Variants in MCM7 observed in about 807,000 individuals in gnomAD.
The protein encoded by MCM7 is DNA replication licensing factor MCM7.
MCM7 carries 95 observed loss-of-function variants against 83.5 expected under a neutral mutation model. That is an observed-to-expected ratio of 1.14 (90% confidence interval 0.96 to 1.35). The LOEUF (loss-of-function observed/expected upper bound fraction) is 1.35. Among genes scored for constraint, MCM7 ranks in the 40% most tolerant of loss-of-function variants. The pLI is 0.00. For synonymous variants in MCM7, 461 were observed against 352.7 expected (o/e 1.31, Z -3.44); for missense variants, 1,087 against 957.4 (o/e 1.14, Z -1.79).
rs749189763 is a variant in MCM7 at position 100,099,418 on chromosome 7, C to CAAAAAA, written c.277-21_277-16dup. On this transcript the variant is annotated splice_polypyrimidine_tract_variant and intron_variant, in intron 3 of 14. Coordinates refer to ENST00000303887, the MANE Select transcript of MCM7 (RefSeq NM_005916.5). Reference sequence around the variant, plus strand: ...TTATTTACCACCTAAAGGAGAAGAACAAAAAAAAAAAAAAAAAAGAGCAAC... The same window carrying CAAAAAA: ...TTATTTACCACCTAAAGGAGAAGAACAAAAAAAAAAAAAAAAAAAAAAAAGAGCAAC... The CAAAAAA allele has an allele frequency of 1.3e-4, 175 of 1,305,280 alleles. No homozygotes were observed. In the Middle Eastern group the frequency reaches 1.4e-3, roughly 10 times the overall value. 80.9% of individuals were successfully genotyped at this position (1,305,280 alleles called of 1,614,324 possible). A position where few individuals can be genotyped will look rare whatever the true frequency, so the allele number is the denominator to read the frequency against.
Position 100,096,145 on chromosome 7 carries a change from G to A in MCM7, c.1224C>T (p.Gly408=). ...APRSQYTTGR[G]SSGVGLTAAV... is the part of the protein sequence containing the mutation. ...CTGCCGTAAGCCCCACTCCTGAGGA[G>A]CCCCGGCCTGTTGTGTACTGGCCTG... Residue 408 remains glycine (G), a synonymous_variant, in exon 11 of 15, where the codon GGC becomes GGT. Transcript: ENST00000303887. 5 of 1,608,272 alleles carry A rather than the reference G, an allele frequency of 3.1e-6. No homozygotes were observed. The highest frequency in any genetic ancestry group is 4.3e-6 in the Non-Finnish European group (5 of 1,176,464).
At chr7:100,095,365 C>T in intron 12 of MCM7, 22 bp downstream of exon 12, 2 of 1,605,060 alleles carry the variant, frequency 1.2e-6, no homozygotes, top group Non-Finnish European at 1.7e-6. Context: ...AACGTTTGCC[C>T]ACCCGCACCC....
Position 100,101,381 on chromosome 7 carries a change from G to T in MCM7, c.-87C>A. 1 of 1,576,762 alleles carries T rather than the reference G, an allele frequency of 6.3e-7. No individual in the cohort carries two copies. On this transcript the variant is annotated 5_prime_UTR_variant, in exon 1 of 15. Transcript: ENST00000303887. ...GAGAATCTCCGCGCGGTGGACTGTG[G>T]CCGGCCAACCGAAATTGGCGCGAAA...
At chr7:100,100,503 G>A (rs1291604682) in intron 1 of MCM7, 15 of 988,732 alleles carry the variant, frequency 1.5e-5, no homozygotes, top group East Asian at 2.4e-4. Flanking sequence ...CCCCACCCCC[G>A]CTCCCGCCAT....
chr7:100,098,159 C>T lies in MCM7; in HGVS notation c.852G>A (p.Gly284=). 1 of 1,614,078 alleles carries T rather than the reference C, an allele frequency of 6.2e-7. No homozygotes were observed. The highest frequency in any genetic ancestry group is 8.5e-7 in the Non-Finnish European group (1 of 1,180,000). ...TCCTTACCTGTACCACCTGTCGGAA[C>T]CCAGTGCGCAGGATTGGCAAGAAAA... is the stretch of plus-strand genomic sequence containing the variant. ...TGIFLPILRT[G]FRQVVQGLLS... The change falls in exon 7 of 15, where the codon GGG becomes GGA. Residue 284 remains glycine, a synonymous_variant. Transcript: ENST00000303887.
In MCM7 at chr7:100,097,668, G is replaced by A; in HGVS notation, c.1063C>T (p.Leu355=). ...TCCACACCCCCGACTAGCAGGAGCA[G>A]CAGTGCCTTCTTCACATCTTCATGC... ...YGHEDVKKAL[L]LLLVGGVDQS... is the part of the protein sequence containing the mutation. Residue 355 remains leucine (L), a synonymous_variant, in exon 9 of 15, where the codon CTG becomes TTG. Transcript: ENST00000303887. 2 of 1,614,160 alleles carry A rather than the reference G, an allele frequency of 1.2e-6. No individual in the cohort carries two copies. Among genetic ancestry groups the A allele is most frequent in the Non-Finnish European group, 8.5e-7 (1 of 1,180,042 alleles).
intron 1 of MCM7, chr7:100,100,598 A>T: frequency 1.0e-6 from 1 of 989,464 alleles, no homozygotes; most frequent in Non-Finnish European, 1.2e-6. Context: ...CCAGGGCGGG[A>T]GCCAGTCCAG....
chr7:100,098,083 G>T (rs1383658079), intron 7 of MCM7, 58 bp downstream of exon 7: 2 of 1,595,954 alleles, frequency 1.3e-6, no homozygotes, highest in Non-Finnish European at 8.6e-7. Context: ...TGTGTGGGTA[G>T]AATGAGTAGG....
In MCM7 at chr7:100,094,305, C is replaced by T. The variant is rs544161945; in HGVS notation, c.1716G>A (p.Met572Ile). The T allele has an allele frequency of 6.5e-5, 105 of 1,614,178 alleles. 1 individual carries two copies. In the South Asian group the frequency reaches 1.1e-3, roughly 17 times the overall value. Residue 572 changes from methionine to isoleucine, a missense_variant, in exon 13 of 15, where the codon ATG (methionine) becomes ATA (isoleucine). Physicochemically the swap from Met to Ile is conservative, Grantham distance 10. Transcript: ENST00000303887. ...YIAMCREKQP[M>I]VPESLADYIT... Reference sequence around the variant, plus strand: ...TGTAGTCAGCCAGAGACTCTGGCACCATGGGCTGCTTCTCGCGGCACATGG... The same window carrying T: ...TGTAGTCAGCCAGAGACTCTGGCACTATGGGCTGCTTCTCGCGGCACATGG...
rs1795705975 is a variant in MCM7 at position 100,097,597 on chromosome 7, C to T, written c.1117+17G>A. ...ATGACTTCATCCACCCTGAGCCTCT[C>T]CCTTGTTTCTTCTTACCCCGGATTT... On this transcript the variant is annotated intron_variant, in intron 9 of 14. Transcript: ENST00000303887. The T allele has an allele frequency of 6.2e-7, 1 of 1,613,170 alleles. No individual in the cohort carries two copies. The highest frequency in any genetic ancestry group is 1.1e-5 in the South Asian group (1 of 91,044).
rs970634441 is a variant in MCM7 at position 100,095,374 on chromosome 7, C to G, written c.1679+13G>C. 3 of 1,609,914 alleles carry G rather than the reference C, an allele frequency of 1.9e-6. No individual in the cohort carries two copies. Among genetic ancestry groups the G allele is most frequent in the African/African-American group, 2.7e-5 (2 of 74,896 alleles). On this transcript the variant is annotated intron_variant, in intron 12 of 14. Transcript: ENST00000303887. The stretch of plus-strand genomic sequence containing the variant: ...CACGCCAACGTTTGCCCACCCGCAC[C>G]CAGCTCTCCTACCTCATGAGCTTCA...
chr7:100,096,798 C>G (rs938219656), intron 10 of MCM7, among the ~76,000 whole-genome samples: 1 of 151,412 alleles, frequency 6.6e-6, no homozygotes, highest in Admixed American at 6.6e-5. Flanking sequence ...AAACAATACC[C>G]AAACAACAAA....
chr7:100,095,304 A>G, intron 12 of MCM7, 83 bp downstream of exon 12: 1 of 1,227,702 alleles, frequency 8.1e-7, no homozygotes, highest in Non-Finnish European at 1.2e-6. Flanking sequence ...TGAAAAACAC[A>G]CACCCTAAGA....
rs751079651 is a variant in MCM7, at chr7:100,099,408, A to G, written c.277-5T>C. ...CAGGACATCTTTATTTACCACCTAA[A>G]GGAGAAGAACAAAAAAAAAAAAAAA... is the stretch of plus-strand genomic sequence containing the variant. On this transcript the variant is annotated splice_region_variant and splice_polypyrimidine_tract_variant and intron_variant, in intron 3 of 14. Transcript: ENST00000303887. The G allele has an allele frequency of 6.3e-7, 1 of 1,576,654 alleles. No homozygotes were observed. The highest frequency in any genetic ancestry group is 8.6e-7 in the Non-Finnish European group (1 of 1,163,280).
chr7:100,097,512 G>GC, intron 9 of MCM7, 102 bp downstream of exon 9: 1 of 1,585,358 alleles, frequency 6.3e-7, no homozygotes, highest in Non-Finnish European at 8.6e-7. Context: ...GTCCACGAAG[G>GC]CAAGATGTCC....
In MCM7 at chr7:100,101,082, T is replaced by C. The variant is rs1795994446; in HGVS notation, c.31+182A>G. On this transcript the variant is annotated intron_variant, in intron 1 of 14. Coordinates refer to ENST00000303887, the MANE Select transcript of MCM7 (RefSeq NM_005916.5). Reference sequence around the variant, plus strand: ...ATTACTAGCTTTTCTTCAACATCGATGGCCCCCCGCACGCTTCCCAGGCCC... The same window carrying C: ...ATTACTAGCTTTTCTTCAACATCGACGGCCCCCCGCACGCTTCCCAGGCCC... 4.0e-5 allele frequency: 30 copies of C among 748,096 alleles called. No individual in the cohort carries two copies. In the South Asian group the frequency reaches 4.7e-4, roughly 12 times the overall value. The allele number at this position is 748,096 out of a possible 1,614,324, so 46.3% of individuals were successfully genotyped here. A position where few individuals can be genotyped will look rare whatever the true frequency, so the allele number is the denominator to read the frequency against.
chr7:100,098,895 C>T (rs887495799), intron 5 of MCM7, 128 bp downstream of exon 5: 1 of 1,402,880 alleles, frequency 7.1e-7, no homozygotes, highest in Non-Finnish European at 9.7e-7. Context: ...ACTACATACC[C>T]AAGAATGAAA....
chr7:100,096,559 C>T (rs933320649), intron 10 of MCM7, among the ~76,000 whole-genome samples: 5 of 152,196 alleles, frequency 3.3e-5, no homozygotes, highest in East Asian at 1.9e-4. Flanking sequence ...GGGCAGATCA[C>T]GAGGTCAGGA....
rs775965154 is a variant in MCM7, at chr7:100,096,151, G to T, written c.1218C>A (p.Gly406=). Residue 406 remains glycine (G), a synonymous_variant, in exon 11 of 15, where the codon GGC becomes GGA. Transcript: ENST00000303887. ...RLAPRSQYTT[G]RGSSGVGLTA... ...TAAGCCCCACTCCTGAGGAGCCCCG[G>T]CCTGTTGTGTACTGGCCTGGAAGAG... 4.4e-6 allele frequency: 7 copies of T among 1,606,542 alleles called. No individual in the cohort carries two copies. The highest frequency in any genetic ancestry group is 6.0e-6 in the Non-Finnish European group (7 of 1,175,572).
Sources: gnomAD v4.1 joint callset for allele counts (sites outside exome capture counted in the v4.1 genomes callset) on GRCh38, gnomAD v4.1.1 for gene constraint, MANE v1.5 for transcripts, NCBI Gene and HGNC (gene_info 2026-07-23, HGNC 2026-07-21) for gene names.